Variants in NACC2 observed in about 807,000 individuals in gnomAD.
The protein encoded by NACC2 is nucleus accumbens-associated protein 2.
A neutral mutation model predicts 25.1 loss-of-function variants in NACC2; 8 were observed. The observed-to-expected ratio is 0.32, with a 90% CI of 0.19 to 0.57. The LOEUF (loss-of-function observed/expected upper bound fraction) is 0.57, where lower values mean the gene tolerates loss of function less well. Ranked by LOEUF, NACC2 falls within the 20% of genes least tolerant of loss-of-function variation. The pLI is 0.89. For missense variants in NACC2, 644 were observed against 650.2 expected, an observed-to-expected ratio of 0.99 and a Z score of 0.10; for synonymous variants, 435 against 294.7, an observed-to-expected ratio of 1.48 and a Z score of -4.88.
At chr9:136,062,925 T>C (rs960653303) in intron 1 of NACC2, among the ~76,000 whole-genome samples, 17 of 152,096 alleles carry the variant, frequency 1.1e-4, no homozygotes, top group African/African-American at 4.1e-4. Flanking sequence ...TCTAAATAAG[T>C]AAATAAATAA....
chr9:136,061,393 C>T (rs1841008586), intron 1 of NACC2, among the ~76,000 whole-genome samples: 1 of 152,148 alleles, frequency 6.6e-6, no homozygotes. Context: ...CCCCTCCCTC[C>T]AGGCCCAGAT....
rs940690838 is a variant in NACC2, at chr9:136,011,881, G to A, written c.1399C>T (p.Arg467Cys). 13 of 1,572,142 alleles carry A rather than the reference G, an allele frequency of 8.3e-6. No individual in the cohort carries two copies. Among genetic ancestry groups the A allele is most frequent in the Non-Finnish European group, 1.1e-5 (13 of 1,162,632 alleles). The change falls in exon 6 of 6, where the codon CGC (arginine) becomes TGC (cysteine). Residue 467 changes from arginine to cysteine, a missense_variant. Transcript: ENST00000277554. ...GCGGCGGCGGAGCCCATGACCGTGC[G>A]GTACATCTCCACGCCCTCCGGCAGC... ...SMLPEGVEMY[R>C]TVMGSAAASV...
chr9:136,050,604 G>C, intron 1 of NACC2, 24 bp from the exon 2 acceptor site: 1 of 703,004 alleles, frequency 1.4e-6, no homozygotes. Flanking sequence ...GAGGCACGTG[G>C]TCAGTTCCTC....
chr9:136,025,133 C>G (rs543034975), intron 2 of NACC2, among the ~76,000 whole-genome samples: 1 of 152,324 alleles, frequency 6.6e-6, no homozygotes, highest in East Asian at 1.9e-4. Context: ...CTGGGGAACA[C>G]CAGGCTTTCA....
intron 1 of NACC2, among the ~76,000 whole-genome samples, chr9:136,088,453 A>C (rs1830401698): frequency 6.6e-6 from 1 of 152,096 alleles, no homozygotes; most frequent in Non-Finnish European, 1.5e-5. Flanking sequence ...AGCCCCTGGA[A>C]GCTGCAAAGC....
rs1291940226 is a variant in NACC2 at position 136,019,346 on chromosome 9, C to T, written c.887-2917G>A. On this transcript the variant is annotated intron_variant, in intron 2 of 5. Transcript: ENST00000277554. The surrounding 1 kb of genome is among the most constrained non-coding windows in gnomAD (Gnocchi z 5.2). Reference sequence around the variant, plus strand: ...GGTTCCAGGGTGGCAGGAGGCCCCTCGATGGGCTTGTGAGCAAGGAAGAGG... The same window carrying T: ...GGTTCCAGGGTGGCAGGAGGCCCCTTGATGGGCTTGTGAGCAAGGAAGAGG... The T allele has an allele frequency of 6.6e-6, 1 of 152,204 alleles. No homozygotes were observed. Among genetic ancestry groups the T allele is most frequent in the African/African-American group, 2.4e-5 (1 of 41,446 alleles). The allele number at this position is 152,204 out of a possible 1,614,324, so 9.4% of individuals were successfully genotyped here. A position where few individuals can be genotyped will look rare whatever the true frequency, so the allele number is the denominator to read the frequency against.
intron 5 of NACC2, among the ~76,000 whole-genome samples, chr9:136,012,349 G>T (rs1840124005): frequency 1.3e-5 from 2 of 152,240 alleles, no homozygotes; most frequent in Non-Finnish European, 2.9e-5. Context: ...AACGGGAACT[G>T]GTCAGAGGGT....
rs1396826426 is a variant in NACC2, at chr9:136,007,525, G to GTGCACACA, written c.*3990_*3991insTGTGTGCA. On this transcript the variant is annotated 3_prime_UTR_variant, in exon 6 of 6. Coordinates refer to ENST00000277554, the MANE Select transcript of NACC2 (RefSeq NM_144653.5). Reference sequence around the variant, plus strand: ...CATGCACAGACGCGCACACACAGACGCACAGACGTGCACACACAGACACGC... The same window carrying GTGCACACA: ...CATGCACAGACGCGCACACACAGACGTGCACACACACAGACGTGCACACACAGACACGC... 1.5e-4 allele frequency: 14 copies of GTGCACACA among 93,500 alleles called. No individual in the cohort carries two copies. Among genetic ancestry groups the GTGCACACA allele is most frequent in the Middle Eastern group, 2.7e-3 (1 of 368 alleles). 5.8% of individuals were successfully genotyped at this position (93,500 alleles called of 1,614,324 possible).
intron 2 of NACC2, among the ~76,000 whole-genome samples, chr9:136,026,148 T>C (rs1207198909): frequency 1.3e-5 from 2 of 151,502 alleles, no homozygotes; most frequent in African/African-American, 4.9e-5. Context: ...GAGACCAGCT[T>C]GGCTAACATG....
At chr9:136,042,583 T>C (rs1840650278) in intron 2 of NACC2, among the ~76,000 whole-genome samples, 1 of 151,888 alleles carries the variant, frequency 6.6e-6, no homozygotes, top group Admixed American at 6.6e-5. Flanking sequence ...ACATGAACCA[T>C]CCACTAGACC....
At chr9:136,078,846 G>A (rs1048753040) in intron 1 of NACC2, among the ~76,000 whole-genome samples, 2 of 152,190 alleles carry the variant, frequency 1.3e-5, no homozygotes, top group African/African-American at 4.8e-5. Flanking sequence ...CTCAGGGCAG[G>A]GCCTCTCGCC....
intron 2 of NACC2, among the ~76,000 whole-genome samples, chr9:136,037,856 G>T (rs938676514): frequency 4.0e-5 from 6 of 150,564 alleles, no homozygotes; most frequent in Non-Finnish European, 8.9e-5. Context: ...AGGTTATATG[G>T]TTAAAAAAAA....
chr9:136,061,736 G>A (rs1359812139), intron 1 of NACC2, among the ~76,000 whole-genome samples: 3 of 152,092 alleles, frequency 2.0e-5, no homozygotes, highest in Admixed American at 6.5e-5. Flanking sequence ...GAGAAGCCAG[G>A]TGGGTGGGCG....
At chr9:136,074,864 C>T (rs1026932387) in intron 1 of NACC2, among the ~76,000 whole-genome samples, 9 of 152,278 alleles carry the variant, frequency 5.9e-5, no homozygotes, top group South Asian at 2.1e-4. Context: ...CGGCAGGAAG[C>T]GTGGCCTTCC....
At chr9:136,091,356 G>A (rs1405198465) in intron 1 of NACC2, among the ~76,000 whole-genome samples, 1 of 152,224 alleles carries the variant, frequency 6.6e-6, no homozygotes, top group Non-Finnish European at 1.5e-5. Context: ...CACACAGCCT[G>A]GGCTGGGCGT....
intron 1 of NACC2, among the ~76,000 whole-genome samples, chr9:136,075,312 C>A: frequency 6.6e-6 from 1 of 152,214 alleles, no homozygotes; most frequent in East Asian, 1.9e-4. Flanking sequence ...GGCCGCCTGG[C>A]TGGGATACTT....
chr9:136,012,116 C>G, intron 5 of NACC2, 92 bp from the exon 6 acceptor site: 1 of 1,407,854 alleles, frequency 7.1e-7, no homozygotes, highest in Non-Finnish European at 9.3e-7. Context: ...CCTGGATGAG[C>G]CTCCCCGGCC....
Position 136,012,033 on chromosome 9 carries a change from A to G in NACC2, c.1256-9T>C. ...GAAGTTCTGACAGTACACTGTGAGG[A>G]CGGGGCGGCGTGAGCTCAGCCACCT... On this transcript the variant is annotated splice_polypyrimidine_tract_variant and intron_variant, in intron 5 of 5. Transcript: ENST00000277554. 6.5e-7 allele frequency: 1 copy of G among 1,538,146 alleles called. No individual in the cohort carries two copies. Among genetic ancestry groups the G allele is most frequent in the African/African-American group, 1.4e-5 (1 of 72,772 alleles).
intron 2 of NACC2, among the ~76,000 whole-genome samples, chr9:136,021,582 C>T (rs533290551): frequency 6.6e-6 from 1 of 152,302 alleles, no homozygotes; most frequent in South Asian, 2.1e-4. Flanking sequence ...ACACTTATGA[C>T]CCAGCAATTA....
Sources: gnomAD v4.1 joint callset for allele counts (sites outside exome capture counted in the v4.1 genomes callset) on GRCh38, gnomAD v4.1.1 for gene constraint, Gnocchi (gnomAD v3.1) non-coding constraint, MANE v1.5 for transcripts, NCBI Gene and HGNC (gene_info 2026-07-23, HGNC 2026-07-21) for gene names.